MAGI2: variants seen among roughly 807,000 people sequenced by gnomAD.
The protein encoded by MAGI2 is membrane-associated guanylate kinase, WW and PDZ domain-containing protein 2.
In MAGI2, 35 loss-of-function variants were observed where a neutral mutation model predicts 133.3. That is an observed-to-expected ratio of 0.26 (90% confidence interval 0.20 to 0.35). MAGI2 has a LOEUF of 0.35. Among genes scored for constraint, MAGI2 ranks in the 10% least tolerant of loss-of-function variants. The pLI is 1.00. For missense variants in MAGI2, 1,636 were observed against 1,863.4 expected (o/e 0.88, Z 2.25); for synonymous variants, 729 against 710.6 (o/e 1.03, Z -0.41).
intron 1 of MAGI2, among the ~76,000 whole-genome samples, chr7:79,370,574 G>A (rs1207902680): frequency 6.6e-6 from 1 of 151,094 alleles, no homozygotes; most frequent in African/African-American, 2.4e-5. Context: ...TGGGAATATT[G>A]GAAACAATGG....
chr7:78,145,780 T>C (rs1823252391), intron 16 of MAGI2, among the ~76,000 whole-genome samples: 1 of 152,202 alleles, frequency 6.6e-6, no homozygotes, highest in African/African-American at 2.4e-5. Flanking sequence ...TGGACTAAGA[T>C]GGCTACCTCC....
intron 2 of MAGI2, among the ~76,000 whole-genome samples, chr7:78,943,153 G>C (rs1427162032): frequency 6.6e-6 from 1 of 152,058 alleles, no homozygotes; most frequent in Non-Finnish European, 1.5e-5. Flanking sequence ...GATTGAATGA[G>C]AGCTTTATGA....
chr7:79,001,550 A>C (rs1342223458), intron 2 of MAGI2, among the ~76,000 whole-genome samples: 1 of 152,162 alleles, frequency 6.6e-6, no homozygotes, highest in Admixed American at 6.6e-5. Flanking sequence ...AAGGACTAGA[A>C]CTTTACCAAT....
chr7:79,080,873 T>C (rs1368637230), intron 1 of MAGI2, among the ~76,000 whole-genome samples: 1 of 152,032 alleles, frequency 6.6e-6, no homozygotes, highest in African/African-American at 2.4e-5. Context: ...TCTAGAGTAG[T>C]CTCCTAATGA....
At chr7:79,171,156 G>T (rs1365224121) in intron 1 of MAGI2, among the ~76,000 whole-genome samples, 1 of 152,036 alleles carries the variant, frequency 6.6e-6, no homozygotes, top group African/African-American at 2.4e-5. Context: ...CATGGTTCTA[G>T]AAGTCAGAAG....
At chr7:78,822,251 A>G (rs1164006339) in intron 2 of MAGI2, among the ~76,000 whole-genome samples, 1 of 152,056 alleles carries the variant, frequency 6.6e-6, no homozygotes, top group Non-Finnish European at 1.5e-5. Flanking sequence ...AGAAGCACTT[A>G]TTTTAATAAT....
intron 14 of MAGI2, among the ~76,000 whole-genome samples, chr7:78,176,761 T>C (rs1405260990): frequency 1.3e-5 from 2 of 151,926 alleles, no homozygotes; most frequent in Non-Finnish European, 2.9e-5. Flanking sequence ...GGCAGGAGGA[T>C]TGATTGAGTC....
rs548421296 is a variant in MAGI2 at position 78,290,802 on chromosome 7, A to C, written c.1409-34221T>G. 3.9e-5 allele frequency among the ~76,000 whole-genome samples: 6 copies of C among 152,344 alleles called. No homozygotes were observed. In the South Asian group the frequency reaches 1.2e-3, roughly 32 times the overall value. On this transcript the variant is annotated intron_variant, in intron 9 of 21. Transcript: ENST00000354212. The stretch of plus-strand genomic sequence containing the variant: ...TAAGAAACTCACTCAAAAACCGCTC[A>C]GCTACATGGAAACTGAACAGCTCCT...
intron 6 of MAGI2, among the ~76,000 whole-genome samples, chr7:78,409,490 C>A (rs1797680353): frequency 6.6e-6 from 1 of 152,052 alleles, no homozygotes; most frequent in Non-Finnish European, 1.5e-5. Flanking sequence ...CCAGTCTACT[C>A]AAAGCTAAAT....
At chr7:79,282,102 A>G (rs1835687749) in intron 1 of MAGI2, among the ~76,000 whole-genome samples, 1 of 152,192 alleles carries the variant, frequency 6.6e-6, no homozygotes, top group African/African-American at 2.4e-5. Context: ...AGCTCTAGAG[A>G]TATTTAATAC....
At chr7:78,243,379 TCAAAG>T (rs1466814221) in intron 10 of MAGI2, among the ~76,000 whole-genome samples, 1 of 152,186 alleles carries the variant, frequency 6.6e-6, no homozygotes, top group Non-Finnish European at 1.5e-5. Flanking sequence ...TTCTGTAAAT[TCAAAG>T]CAACTTGTGA....
At chr7:78,238,690 C>T (rs1190386368) in intron 10 of MAGI2, among the ~76,000 whole-genome samples, 2 of 152,124 alleles carry the variant, frequency 1.3e-5, no homozygotes, top group Non-Finnish European at 2.9e-5. Context: ...CTAGTTTGGA[C>T]TGCAGTGGAA....
At chr7:78,296,932 TGAG>T (rs892761533) in intron 9 of MAGI2, among the ~76,000 whole-genome samples, 6 of 152,078 alleles carry the variant, frequency 3.9e-5, no homozygotes, top group African/African-American at 9.7e-5. Flanking sequence ...ACAGGGCAGT[TGAG>T]GAGAAGTCAT....
At chr7:79,264,803 G>A (rs1337747121) in intron 1 of MAGI2, among the ~76,000 whole-genome samples, 2 of 151,868 alleles carry the variant, frequency 1.3e-5, no homozygotes, top group Non-Finnish European at 2.9e-5. Context: ...GGTGGAAGAT[G>A]AAGGGGAGCC....
intron 9 of MAGI2, among the ~76,000 whole-genome samples, chr7:78,328,867 T>C (rs908250858): frequency 2.6e-5 from 4 of 151,810 alleles, no homozygotes; most frequent in Non-Finnish European, 5.9e-5. Flanking sequence ...GGAGTGAAAA[T>C]ATTAGGACGT....
At chr7:78,861,247 C>T (rs1794135118) in intron 2 of MAGI2, among the ~76,000 whole-genome samples, 1 of 146,810 alleles carries the variant, frequency 6.8e-6, no homozygotes, top group Admixed American at 6.8e-5. Flanking sequence ...CCTGACAAGC[C>T]CCAGTGAGAT....
chr7:79,452,585 C>T (rs1849360462), intron 1 of MAGI2, among the ~76,000 whole-genome samples: 1 of 152,142 alleles, frequency 6.6e-6, no homozygotes, highest in Non-Finnish European at 1.5e-5. Flanking sequence ...ACCTTCTCTT[C>T]CCAGACCCGC....
At chr7:78,220,015 T>C (rs1475777085) in intron 10 of MAGI2, among the ~76,000 whole-genome samples, 1 of 152,212 alleles carries the variant, frequency 6.6e-6, no homozygotes, top group Non-Finnish European at 1.5e-5. Context: ...GTGTCCTATT[T>C]GCTGCAGAAT....
At chr7:78,543,543 G>C (rs976926992) in intron 3 of MAGI2, among the ~76,000 whole-genome samples, 4 of 152,136 alleles carry the variant, frequency 2.6e-5, no homozygotes, top group Non-Finnish European at 5.9e-5. Flanking sequence ...GAGGCCATTC[G>C]AATCAGACTC....
Sources: allele counts gnomAD v4.1 joint callset (sites outside exome capture counted in the v4.1 genomes callset), GRCh38; gene constraint gnomAD v4.1.1; transcripts MANE v1.5; gene names NCBI Gene and HGNC (gene_info 2026-07-23, HGNC 2026-07-21).